GXYLT1: variants seen among roughly 807,000 people sequenced by gnomAD.
GXYLT1 encodes glycosyltransferase 8 domain containing 3.
In GXYLT1, 29 loss-of-function variants were observed where a neutral mutation model predicts 54.0. The observed-to-expected ratio is 0.54, with a 90% CI of 0.40 to 0.73. The LOEUF is 0.73. Ranked by LOEUF, GXYLT1 falls within the 30% of genes least tolerant of loss-of-function variation. The pLI is 0.00. For synonymous variants in GXYLT1, 176 were observed against 204.1 expected (o/e 0.86, Z 1.17); for missense variants, 490 against 553.4 (o/e 0.89, Z 1.15).
At chr12:42,122,617 T>C (rs1424829693) in intron 2 of GXYLT1, among the ~76,000 whole-genome samples, 1 of 151,924 alleles carries the variant, frequency 6.6e-6, no homozygotes, top group Admixed American at 6.6e-5. Flanking sequence ...GAACACATCG[T>C]CAAAAAATGA....
intron 1 of GXYLT1, among the ~76,000 whole-genome samples, chr12:42,141,064 C>CG (rs1285251707): frequency 1.7e-4 from 26 of 152,102 alleles, no homozygotes; most frequent in African/African-American, 4.8e-5. Context: ...TTTGAGGCAC[C>CG]GCTCCTCTCC....
intron 5 of GXYLT1, among the ~76,000 whole-genome samples, chr12:42,102,910 A>C (rs894899809): frequency 2.0e-5 from 3 of 151,864 alleles, no homozygotes; most frequent in Admixed American, 1.3e-4. Context: ...TAATTTAATA[A>C]TTATTTCATT....
chr12:42,097,865 A>G, intron 6 of GXYLT1, 45 bp downstream of exon 6: 3 of 1,407,952 alleles, frequency 2.1e-6, no homozygotes, highest in Non-Finnish European at 3.0e-6. Context: ...ACTAAGTATT[A>G]TCTGTGATTT....
At chr12:42,134,656 C>T (rs1372749930) in intron 1 of GXYLT1, among the ~76,000 whole-genome samples, 1 of 152,204 alleles carries the variant, frequency 6.6e-6, no homozygotes, top group African/African-American at 2.4e-5. Context: ...CATTCATGTT[C>T]CTATACCTGC....
intron 4 of GXYLT1, 116 bp downstream of exon 4, chr12:42,109,450 T>C: frequency 1.4e-6 from 1 of 699,202 alleles, no homozygotes. Context: ...GATTTCTATT[T>C]ACTAATTTAA....
chr12:42,107,571 A>T (rs892554789), intron 4 of GXYLT1, among the ~76,000 whole-genome samples: 7 of 152,098 alleles, frequency 4.6e-5, no homozygotes, highest in Non-Finnish European at 8.8e-5. Flanking sequence ...CATGCCTGTA[A>T]TCCAAGCTAC....
intron 2 of GXYLT1, among the ~76,000 whole-genome samples, chr12:42,123,169 C>T (rs1269060368): frequency 3.9e-5 from 6 of 152,028 alleles, no homozygotes; most frequent in African/African-American, 9.7e-5. Context: ...TGACTGGGTC[C>T]TGAATGGGGA....
intron 2 of GXYLT1, 55 bp from the exon 3 acceptor site, chr12:42,119,226 G>A (rs2065516127): frequency 5.0e-6 from 7 of 1,412,876 alleles, no homozygotes; most frequent in East Asian, 2.3e-5. Context: ...TTTACAATGT[G>A]TACTTTCATC....
chr12:42,097,718 A>T, intron 6 of GXYLT1, 104 bp from the exon 7 acceptor site: 1 of 1,158,724 alleles, frequency 8.6e-7, no homozygotes, highest in South Asian at 1.4e-5. Flanking sequence ...ACAAGTAAGA[A>T]TTAATGAAAA....
intron 3 of GXYLT1, among the ~76,000 whole-genome samples, chr12:42,118,717 T>A (rs895834388): frequency 1.3e-5 from 2 of 152,220 alleles, no homozygotes; most frequent in Non-Finnish European, 2.9e-5. Context: ...TCAGTTCTCA[T>A]GAGGTCTCAT....
intron 1 of GXYLT1, among the ~76,000 whole-genome samples, chr12:42,133,416 C>G (rs1443633475): frequency 6.6e-6 from 1 of 152,154 alleles, no homozygotes; most frequent in Non-Finnish European, 1.5e-5. Flanking sequence ...TTAAGAGCTC[C>G]ACATCCTATT....
Position 42,132,591 on chromosome 12 carries a change from G to A in GXYLT1, c.222-2740C>T, listed in dbSNP as rs116411445. 3.3e-3 allele frequency among the ~76,000 whole-genome samples: 506 copies of A among 152,130 alleles called. 4 individuals are homozygous for A. Among genetic ancestry groups the A allele is most frequent in the African/African-American group, 0.012 (489 of 41,518 alleles). ...CAAATATTTGACTAGAAAAGTTAAC[G>A]TGTATGTTGCCAACATGCAGAAGTT... On this transcript the variant is annotated intron_variant, in intron 1 of 7. Coordinates refer to ENST00000398675, the MANE Select transcript of GXYLT1 (RefSeq NM_173601.2).
At chr12:42,118,343 C>G (rs996984024) in intron 3 of GXYLT1, among the ~76,000 whole-genome samples, 2 of 152,150 alleles carry the variant, frequency 1.3e-5, no homozygotes, top group Non-Finnish European at 2.9e-5. Context: ...CAAAATAAAT[C>G]ATAGGATTTC....
At chr12:42,132,648 GA>G (rs760160543) in intron 1 of GXYLT1, among the ~76,000 whole-genome samples, 4 of 152,122 alleles carry the variant, frequency 2.6e-5, no homozygotes, top group East Asian at 3.9e-4. Context: ...TTAGTCTCAA[GA>G]AAACGCCCAC....
intron 1 of GXYLT1, among the ~76,000 whole-genome samples, chr12:42,137,917 C>T (rs2065630149): frequency 6.6e-6 from 1 of 152,148 alleles, no homozygotes; most frequent in East Asian, 1.9e-4. Context: ...CTTACGGACA[C>T]ATTAAAGGAG....
chr12:42,089,760 CA>C (rs1366862112), intron 7 of GXYLT1, among the ~76,000 whole-genome samples: 1 of 152,102 alleles, frequency 6.6e-6, no homozygotes, highest in East Asian at 1.9e-4. Context: ...GGACGAAGCT[CA>C]ATGAATGGTG....
intron 1 of GXYLT1, among the ~76,000 whole-genome samples, chr12:42,137,590 T>C (rs2136921104): frequency 6.7e-6 from 1 of 148,900 alleles, no homozygotes; most frequent in South Asian, 2.1e-4. Context: ...ACCCTGTCTC[T>C]ACTAAAAATA....
At chr12:42,119,565 TGA>T (rs2065518254) in intron 2 of GXYLT1, among the ~76,000 whole-genome samples, 1 of 152,034 alleles carries the variant, frequency 6.6e-6, no homozygotes, top group South Asian at 2.1e-4. Context: ...CCCAGAGCTT[TGA>T]GAGACCAAGG....
intron 1 of GXYLT1, among the ~76,000 whole-genome samples, chr12:42,134,182 CAG>C (rs1030430074): frequency 6.6e-6 from 1 of 151,622 alleles, no homozygotes; most frequent in African/African-American, 2.4e-5. Context: ...GTCTGGGCAA[CAG>C]AGTGAGACCC....
Sources: gnomAD v4.1 joint callset for allele counts (sites outside exome capture counted in the v4.1 genomes callset) on GRCh38, gnomAD v4.1.1 for gene constraint, MANE v1.5 for transcripts, NCBI Gene and HGNC (gene_info 2026-07-23, HGNC 2026-07-21) for gene names.